The following MACROD2 variants were observed in gnomAD, a reference collection of about 807,000 sequenced individuals.
MACROD2 encodes ADP-ribose glycohydrolase MACROD2.
A neutral mutation model predicts 70.4 loss-of-function variants in MACROD2; 36 were observed. The observed-to-expected ratio is 0.51, with a 90% CI of 0.39 to 0.68. The LOEUF (loss-of-function observed/expected upper bound fraction) is 0.68. Among genes scored for constraint, MACROD2 ranks in the 30% least tolerant of loss-of-function variants. The pLI is 0.00. For missense variants in MACROD2, 496 were observed against 538.4 expected, an observed-to-expected ratio of 0.92 and a Z score of 0.78; for synonymous variants, 172 against 178.8, an observed-to-expected ratio of 0.96 and a Z score of 0.30.
chr20:14,775,524 A>T (rs2072222874), intron 5 of MACROD2, among the ~76,000 whole-genome samples: 1 of 151,938 alleles, frequency 6.6e-6, no homozygotes, highest in Admixed American at 6.6e-5. Flanking sequence ...GTGAACTAGC[A>T]CAGCAAGAAC....
chr20:14,648,014 G>A (rs1985486976), intron 4 of MACROD2, among the ~76,000 whole-genome samples: 1 of 152,094 alleles, frequency 6.6e-6, no homozygotes, highest in Non-Finnish European at 1.5e-5. Flanking sequence ...GACCTCCACA[G>A]GCAGTGCTTA....
chr20:15,350,771 A>G (rs2078219044), intron 6 of MACROD2, among the ~76,000 whole-genome samples: 1 of 152,192 alleles, frequency 6.6e-6, no homozygotes, highest in African/African-American at 2.4e-5. Flanking sequence ...CATTGAAGCA[A>G]CTTAGACTTA....
chr20:15,834,059 G>C (rs2064086198), intron 8 of MACROD2, among the ~76,000 whole-genome samples: 1 of 152,286 alleles, frequency 6.6e-6, no homozygotes, highest in Non-Finnish European at 1.5e-5. Context: ...CCAGCTCTTT[G>C]AATACTGCAA....
chr20:14,237,958 G>A (rs1409813078), intron 3 of MACROD2, among the ~76,000 whole-genome samples: 1 of 151,732 alleles, frequency 6.6e-6, no homozygotes, highest in Non-Finnish European at 1.5e-5. Flanking sequence ...TGGACCTTTG[G>A]GTTGGTTCCA....
intron 8 of MACROD2, among the ~76,000 whole-genome samples, chr20:15,733,249 G>A (rs1361345893): frequency 6.6e-6 from 1 of 151,496 alleles, no homozygotes; most frequent in Non-Finnish European, 1.5e-5. Context: ...TTTTCTCTTG[G>A]TTAGCCTGGC....
At chr20:15,046,224 G>A (rs1026901923) in intron 5 of MACROD2, among the ~76,000 whole-genome samples, 6 of 151,984 alleles carry the variant, frequency 3.9e-5, no homozygotes, top group Admixed American at 3.9e-4. Flanking sequence ...AAACTGTTTT[G>A]TAAAAGTAAG....
At chr20:14,737,813 A>C (rs2071685667) in intron 5 of MACROD2, among the ~76,000 whole-genome samples, 1 of 151,958 alleles carries the variant, frequency 6.6e-6, no homozygotes, top group Non-Finnish European at 1.5e-5. Flanking sequence ...TTTTTCTTGT[A>C]AATTTGTTTT....
chr20:15,771,365 T>A (rs1461364396), intron 8 of MACROD2, among the ~76,000 whole-genome samples: 12 of 148,912 alleles, frequency 8.1e-5, no homozygotes, highest in African/African-American at 3.1e-4. Flanking sequence ...TTTTTTTTTG[T>A]AAAGATGGGA....
intron 5 of MACROD2, among the ~76,000 whole-genome samples, chr20:14,901,782 C>T (rs775176155): frequency 3.9e-5 from 6 of 152,106 alleles, no homozygotes; most frequent in Non-Finnish European, 7.4e-5. Context: ...TTTCTCTAGC[C>T]TCATTTGCCA....
chr20:15,713,686 C>T (rs1264503609), intron 8 of MACROD2, among the ~76,000 whole-genome samples: 1 of 152,158 alleles, frequency 6.6e-6, no homozygotes, highest in Non-Finnish European at 1.5e-5. Flanking sequence ...CCAGGCTCCA[C>T]TTCCAACATT....
At chr20:14,366,377 T>TG (rs1474112231) in intron 3 of MACROD2, among the ~76,000 whole-genome samples, 2 of 150,920 alleles carry the variant, frequency 1.3e-5, no homozygotes, top group Admixed American at 1.3e-4. Context: ...GTAACTTTTT[T>TG]TTTTTTTTTG....
Position 14,871,040 on chromosome 20 carries a change from G to C in MACROD2, c.418+186081G>C, listed in dbSNP as rs146440145. Among the ~76,000 whole-genome samples, 970 of 152,138 alleles carry C rather than the reference G, an allele frequency of 6.4e-3. 8 individuals are homozygous for C. Among genetic ancestry groups the C allele is most frequent in the Middle Eastern group, 0.034 (10 of 294 alleles). On this transcript the variant is annotated intron_variant, in intron 5 of 17. Coordinates refer to ENST00000684519, the MANE Select transcript of MACROD2 (RefSeq NM_001351661.2). ...CTTTGCCCATTCCTATGTCCTGAATGGTACTGGTATACTTGAAAGAGATAG... is the reference window on the plus strand; with the variant it reads ...CTTTGCCCATTCCTATGTCCTGAATCGTACTGGTATACTTGAAAGAGATAG...
intron 15 of MACROD2, among the ~76,000 whole-genome samples, chr20:15,995,056 A>G (rs1232364984): frequency 2.0e-5 from 3 of 152,194 alleles, no homozygotes; most frequent in Non-Finnish European, 4.4e-5. Context: ...AGTATATTTG[A>G]TATACTCAAT....
chr20:15,057,876 C>A (rs532330450), intron 5 of MACROD2, among the ~76,000 whole-genome samples: 1 of 152,130 alleles, frequency 6.6e-6, no homozygotes, highest in Admixed American at 6.5e-5. Context: ...CTGCCCCTTA[C>A]GTTTTATTCA....
At chr20:15,141,754 C>G (rs146592954) in intron 5 of MACROD2, among the ~76,000 whole-genome samples, 1 of 152,172 alleles carries the variant, frequency 6.6e-6, no homozygotes, top group Non-Finnish European at 1.5e-5. Context: ...AATCACAGGC[C>G]TAATACTTTT....
chr20:14,456,432 T>G (rs1266115071), intron 3 of MACROD2, among the ~76,000 whole-genome samples: 1 of 151,860 alleles, frequency 6.6e-6, no homozygotes, highest in Non-Finnish European at 1.5e-5. Flanking sequence ...CATTCATGAT[T>G]AAAGACACAT....
intron 8 of MACROD2, among the ~76,000 whole-genome samples, chr20:15,666,900 A>T (rs2049906103): frequency 6.6e-6 from 1 of 152,228 alleles, no homozygotes; most frequent in African/African-American, 2.4e-5. Flanking sequence ...ATTATAAAAA[A>T]TTTCAAACAT....
At chr20:14,601,622 A>G (rs966557937) in intron 4 of MACROD2, among the ~76,000 whole-genome samples, 1 of 152,158 alleles carries the variant, frequency 6.6e-6, no homozygotes, top group Non-Finnish European at 1.5e-5. Flanking sequence ...GTTCATGCCA[A>G]TACAATTGTA....
intron 6 of MACROD2, among the ~76,000 whole-genome samples, chr20:15,388,350 T>C (rs2045748298): frequency 6.6e-6 from 1 of 152,152 alleles, no homozygotes. Context: ...CAGGTCCTTA[T>C]GCTGATCTGT....
Sources: gnomAD v4.1 joint callset for allele counts (sites outside exome capture counted in the v4.1 genomes callset) on GRCh38, gnomAD v4.1.1 for gene constraint, MANE v1.5 for transcripts, NCBI Gene and HGNC (gene_info 2026-07-23, HGNC 2026-07-21) for gene names.